The following TMEM200A variants were observed in gnomAD, a reference collection of about 807,000 sequenced individuals.
The protein encoded by TMEM200A is transmembrane protein 200A.
In TMEM200A, 12 loss-of-function variants were observed where a neutral mutation model predicts 24.3. That is an observed-to-expected ratio of 0.49 (90% CI 0.32 to 0.80). The LOEUF (loss-of-function observed/expected upper bound fraction) is 0.80, where lower values mean the gene tolerates loss of function less well. Among genes scored for constraint, TMEM200A ranks in the 30% least tolerant of loss-of-function variants. TMEM200A has a pLI of 0.04. For synonymous variants in TMEM200A, 224 were observed against 224.4 expected (o/e 1.00, Z 0.02); for missense variants, 545 against 614.4 (o/e 0.89, Z 1.19).
intron 2 of TMEM200A, among the ~76,000 whole-genome samples, chr6:130,424,971 AC>A (rs1439423551): frequency 1.3e-5 from 2 of 151,924 alleles, no homozygotes; most frequent in African/African-American, 4.8e-5. Context: ...CTTGAAGGTC[AC>A]CTTCTTTGTG....
chr6:130,396,002 C>T (rs572009701), intron 2 of TMEM200A, among the ~76,000 whole-genome samples: 1 of 152,226 alleles, frequency 6.6e-6, no homozygotes, highest in African/African-American at 2.4e-5. Flanking sequence ...AAAAGGGATA[C>T]TTGATGTTGG....
chr6:130,390,869 G>A (rs1343608864), intron 2 of TMEM200A, among the ~76,000 whole-genome samples: 1 of 152,132 alleles, frequency 6.6e-6, no homozygotes, highest in Non-Finnish European at 1.5e-5. Flanking sequence ...TCACAATAGG[G>A]TTTCTCAACC....
intron 1 of TMEM200A, among the ~76,000 whole-genome samples, chr6:130,370,575 A>C (rs1778297738): frequency 6.6e-6 from 1 of 152,168 alleles, no homozygotes; most frequent in South Asian, 2.1e-4. Context: ...TGGAGTTTGC[A>C]CATGGAAGCA....
chr6:130,424,753 CAAGTAA>C (rs1453460525), intron 2 of TMEM200A, among the ~76,000 whole-genome samples: 1 of 152,094 alleles, frequency 6.6e-6, no homozygotes, highest in Non-Finnish European at 1.5e-5. Context: ...GTGTCTTCAT[CAAGTAA>C]AACCTAGAGA....
chr6:130,365,575 A>C, upstream of TMEM200A: 1 of 985,244 alleles, frequency 1.0e-6, no homozygotes, highest in South Asian at 4.7e-5. Context: ...AGTCGGCTGG[A>C]GCTCCCCAGC....
At chr6:130,426,525 C>A (rs7743114) in intron 2 of TMEM200A, among the ~76,000 whole-genome samples, 150,658 of 150,746 alleles carry the variant, frequency 1, 75,285 homozygotes, top group Middle Eastern at 1. Context: ...CTGTGGCTGC[C>A]TGCTTTATGA....
chr6:130,435,527 A>C (rs953566546), intron 2 of TMEM200A, among the ~76,000 whole-genome samples: 2 of 152,180 alleles, frequency 1.3e-5, no homozygotes, highest in African/African-American at 2.4e-5. Context: ...ACAAATTAAC[A>C]ATGTGTACCT....
intron 2 of TMEM200A, among the ~76,000 whole-genome samples, chr6:130,390,402 C>A (rs878942418): frequency 2.0e-5 from 3 of 152,192 alleles, no homozygotes; most frequent in African/African-American, 7.2e-5. Flanking sequence ...ATGTAACACA[C>A]GTTGTGTATC....
intron 1 of TMEM200A, among the ~76,000 whole-genome samples, chr6:130,383,521 G>A (rs1285897808): frequency 6.6e-6 from 1 of 152,330 alleles, no homozygotes; most frequent in South Asian, 2.1e-4. Context: ...TCACTCAGCT[G>A]TGTATCCAGA....
intron 2 of TMEM200A, among the ~76,000 whole-genome samples, chr6:130,411,307 T>A (rs990485728): frequency 1.1e-4 from 17 of 152,218 alleles, no homozygotes; most frequent in Admixed American, 4.6e-4. Flanking sequence ...GAGTTTTTTT[T>A]AAATTTTATA....
intron 2 of TMEM200A, among the ~76,000 whole-genome samples, chr6:130,434,266 C>G (rs1779947437): frequency 1.3e-5 from 2 of 152,150 alleles, no homozygotes; most frequent in South Asian, 4.1e-4. Context: ...AATATATAAA[C>G]AAGAGTGAAC....
At position 130,366,136 on chromosome 6, in the gene TMEM200A, C is replaced by G. The variant is rs565775687; in HGVS notation, c.-469C>G. On this transcript the variant is annotated 5_prime_UTR_variant, in exon 1 of 3. Transcript: ENST00000296978. This position sits in a 1 kb window ranked among gnomAD's most constrained non-coding sequence, Gnocchi z 4.4. ...TCTCCCCTGCCCGGCTTGCTGCGCC[C>G]GGTGCCCTCCGAGGGCAGGCGCGCC... The G allele has an allele frequency of 2.0e-6, 2 of 985,278 alleles. No homozygotes were observed. The highest frequency in any genetic ancestry group is 2.4e-6 in the Non-Finnish European group (2 of 829,914). The allele number at this position is 985,278 out of a possible 1,614,324, so 61.0% of individuals were successfully genotyped here. A position where few individuals can be genotyped will look rare whatever the true frequency, so the allele number is the denominator to read the frequency against.
At position 130,366,345 on chromosome 6, in the gene TMEM200A, G is replaced by A. The variant is rs1778144982; in HGVS notation, c.-260G>A. ...CGCCCGCGGTGGCCGCCCGAGCCCT[G>A]GGATGGGGAGGGAGACCGCGGCTGC... On this transcript the variant is annotated 5_prime_UTR_variant, in exon 1 of 3. Coordinates refer to ENST00000296978, the MANE Select transcript of TMEM200A (RefSeq NM_001258277.2). This position sits in a 1 kb window ranked among gnomAD's most constrained non-coding sequence, Gnocchi z 4.4. 4.1e-6 allele frequency: 4 copies of A among 984,066 alleles called. No individual in the cohort carries two copies. Among genetic ancestry groups the A allele is most frequent in the Non-Finnish European group, 4.8e-6 (4 of 829,730 alleles). The allele number at this position is 984,066 out of a possible 1,614,324, so 61.0% of individuals were successfully genotyped here. A position where few individuals can be genotyped will look rare whatever the true frequency, so the allele number is the denominator to read the frequency against.
rs564486336 is a variant in TMEM200A, at chr6:130,366,788, T to C, written c.-81+264T>C. Among the ~76,000 whole-genome samples the C allele has an allele frequency of 1.3e-5, 2 of 152,266 alleles. No homozygotes were observed. Among genetic ancestry groups the C allele is most frequent in the South Asian group, 4.1e-4 (2 of 4,822 alleles). ...GTACTGGAGCGCCTGGCTGGGTTTC[T>C]CCAAGCAACACCCTCCTTTGTCTCG... is the stretch of plus-strand genomic sequence containing the variant. On this transcript the variant is annotated intron_variant, in intron 1 of 2. Transcript: ENST00000296978. The surrounding 1 kb of genome is among the most constrained non-coding windows in gnomAD (Gnocchi z 4.4).
chr6:130,440,584 A>C lies in TMEM200A; in HGVS notation c.162A>C (p.Lys54Asn), dbSNP rs1416309621. Residue 54 changes from lysine (K) to asparagine (N), a missense_variant, in exon 3 of 3, where the codon AAA becomes AAC. Transcript: ENST00000296978. ...PRADVVVVRG[K>N]IRLYSPSGFF... ...CAGATGTTGTGGTTGTTCGTGGCAA[A>C]ATCCGGCTTTATTCCCCATCTGGTT... 1 of 1,614,078 alleles carries C rather than the reference A, an allele frequency of 6.2e-7. No individual in the cohort carries two copies.
intron 2 of TMEM200A, among the ~76,000 whole-genome samples, chr6:130,410,025 C>T (rs544387680): frequency 6.6e-6 from 1 of 152,148 alleles, no homozygotes; most frequent in African/African-American, 2.4e-5. Flanking sequence ...CTAACAGCAA[C>T]ATTGCACACT....
In TMEM200A at chr6:130,441,778, G is replaced by T; in HGVS notation, c.1356G>T (p.Lys452Asn). 6.2e-7 allele frequency: 1 copy of T among 1,614,014 alleles called. No individual in the cohort carries two copies. The highest frequency in any genetic ancestry group is 1.3e-5 in the African/African-American group (1 of 75,016). Residue 452 changes from lysine (K) to asparagine (N), a missense_variant, in exon 3 of 3, where the codon AAG (lysine) becomes AAT (asparagine). Transcript: ENST00000296978. ...RLLVPQVAIK[K>N]DFTNKEKLLM... ...TTGTGCCCCAAGTTGCCATCAAAAAGGACTTTACCAATAAGGAGAAGCTTC... is the reference window on the plus strand; with the variant it reads ...TTGTGCCCCAAGTTGCCATCAAAAATGACTTTACCAATAAGGAGAAGCTTC...
In TMEM200A at chr6:130,387,762, C is replaced by G. The variant is rs148347354; in HGVS notation, c.-17+2526C>G. Among the ~76,000 whole-genome samples, 273 of 152,260 alleles carry G rather than the reference C, an allele frequency of 1.8e-3. 2 individuals are homozygous for G. The highest frequency in any genetic ancestry group is 6.5e-3 in the African/African-American group (268 of 41,550). On this transcript the variant is annotated intron_variant, in intron 2 of 2. Coordinates refer to ENST00000296978, the MANE Select transcript of TMEM200A (RefSeq NM_001258277.2). ...CACTCTTAATTATGTTTCCCCAAAA[C>G]AGTTATGCATGAGGCTCTTTGGCAA... is the stretch of plus-strand genomic sequence containing the variant.
chr6:130,441,901 T>G lies in TMEM200A; in HGVS notation c.*3T>G, dbSNP rs1304981311. 1 of 1,587,426 alleles carries G rather than the reference T, an allele frequency of 6.3e-7. No individual in the cohort carries two copies. Among genetic ancestry groups the G allele is most frequent in the South Asian group, 1.2e-5 (1 of 85,584 alleles). ...GAACTTCTGAAACAAGGTTTTAATGTTAAAAGAATATATCATTTTACAAGG... is the reference window on the plus strand; with the variant it reads ...GAACTTCTGAAACAAGGTTTTAATGGTAAAAGAATATATCATTTTACAAGG... On this transcript the variant is annotated 3_prime_UTR_variant, in exon 3 of 3. Coordinates refer to ENST00000296978, the MANE Select transcript of TMEM200A (RefSeq NM_001258277.2).
Sources: gnomAD v4.1 joint callset for allele counts (sites outside exome capture counted in the v4.1 genomes callset) on GRCh38, gnomAD v4.1.1 for gene constraint, Gnocchi (gnomAD v3.1) non-coding constraint, MANE v1.5 for transcripts, NCBI Gene and HGNC (gene_info 2026-07-23, HGNC 2026-07-21) for gene names.